LSAMP: variants seen among roughly 807,000 people sequenced by gnomAD.
LSAMP encodes the protein limbic system associated membrane protein.
In LSAMP, 7 loss-of-function variants were observed where a neutral mutation model predicts 38.6. That is an observed-to-expected ratio of 0.18 (90% CI 0.10 to 0.34). The LOEUF is 0.34. LSAMP is among the 10% of genes least tolerant of loss of function. The pLI is 1.00. For missense variants in LSAMP, 313 were observed against 420.0 expected (o/e 0.75, Z 2.23); for synonymous variants, 154 against 166.8 (o/e 0.92, Z 0.59).
chr3:116,209,133 G>A (rs555988323), intron 1 of LSAMP, among the ~76,000 whole-genome samples: 22 of 152,310 alleles, frequency 1.4e-4, no homozygotes, highest in East Asian at 5.8e-4. Context: ...TCCGAAAAGC[G>A]CAGTATTCGG....
chr3:116,049,377 C>G (rs1244593916), intron 2 of LSAMP, among the ~76,000 whole-genome samples: 1 of 152,170 alleles, frequency 6.6e-6, no homozygotes, highest in Non-Finnish European at 1.5e-5. Context: ...CCATTTTTCC[C>G]AGTGACAATT....
At chr3:116,311,247 T>C (rs1230886995) in intron 1 of LSAMP, among the ~76,000 whole-genome samples, 4 of 152,196 alleles carry the variant, frequency 2.6e-5, no homozygotes, top group Admixed American at 2.6e-4. Flanking sequence ...TCTTTTCTTA[T>C]ATTTACTTTC....
chr3:115,992,184 T>A, intron 3 of LSAMP, among the ~76,000 whole-genome samples: 1 of 152,040 alleles, frequency 6.6e-6, no homozygotes, highest in Non-Finnish European at 1.5e-5. Flanking sequence ...AGATGAGATG[T>A]CCCCAGCCCC....
At chr3:116,392,734 C>T (rs1425736329) in intron 1 of LSAMP, among the ~76,000 whole-genome samples, 1 of 152,172 alleles carries the variant, frequency 6.6e-6, no homozygotes, top group East Asian at 1.9e-4. Context: ...CCTGGGCCTG[C>T]CCATGGTCAC....
At chr3:116,285,574 C>G (rs1215319345) in intron 1 of LSAMP, among the ~76,000 whole-genome samples, 7 of 151,910 alleles carry the variant, frequency 4.6e-5, no homozygotes, top group African/African-American at 1.7e-4. Flanking sequence ...TAAAACATCT[C>G]CCATTCCTTG....
chr3:116,120,864 TATC>T (rs1464020654), intron 1 of LSAMP, among the ~76,000 whole-genome samples: 2 of 152,250 alleles, frequency 1.3e-5, no homozygotes, highest in African/African-American at 4.8e-5. Context: ...TGCATCAGGC[TATC>T]ATCATAACTG....
intron 1 of LSAMP, among the ~76,000 whole-genome samples, chr3:116,335,738 A>G (rs893769439): frequency 6.6e-6 from 1 of 152,086 alleles, no homozygotes; most frequent in Non-Finnish European, 1.5e-5. Context: ...GCATGCTCAG[A>G]ACACTTACAT....
intron 3 of LSAMP, among the ~76,000 whole-genome samples, chr3:115,998,477 A>G (rs1245581185): frequency 6.6e-6 from 1 of 152,064 alleles, no homozygotes; most frequent in African/African-American, 2.4e-5. Context: ...GTGTAATGGG[A>G]GAAGCCCTGA....
chr3:116,059,601 C>T (rs1430870932), intron 2 of LSAMP, among the ~76,000 whole-genome samples: 1 of 152,162 alleles, frequency 6.6e-6, no homozygotes, highest in Non-Finnish European at 1.5e-5. Flanking sequence ...GGGGCTGAGT[C>T]TTTTTCAGCA....
chr3:115,960,349 T>C (rs1001947343), intron 3 of LSAMP, among the ~76,000 whole-genome samples: 2 of 152,140 alleles, frequency 1.3e-5, no homozygotes, highest in African/African-American at 2.4e-5. Context: ...AAATACATTG[T>C]TGTTTAAGCC....
At chr3:115,876,549 C>T (rs1222067360) in intron 3 of LSAMP, among the ~76,000 whole-genome samples, 1 of 151,998 alleles carries the variant, frequency 6.6e-6, no homozygotes, top group Admixed American at 6.6e-5. Flanking sequence ...GATTTGATTT[C>T]TATTAAAATT....
intron 3 of LSAMP, among the ~76,000 whole-genome samples, chr3:116,018,209 GA>G (rs1413532511): frequency 6.6e-6 from 1 of 152,042 alleles, no homozygotes; most frequent in Non-Finnish European, 1.5e-5. Flanking sequence ...ACTTTCTCAA[GA>G]AAATAGAGGC....
chr3:115,928,709 G>C (rs896834665), intron 3 of LSAMP, among the ~76,000 whole-genome samples: 2 of 152,140 alleles, frequency 1.3e-5, no homozygotes, highest in African/African-American at 2.4e-5. Flanking sequence ...AAAGGAAAAG[G>C]GTGAGAGAAA....
At chr3:116,054,144 G>A (rs1294565448) in intron 2 of LSAMP, among the ~76,000 whole-genome samples, 1 of 152,076 alleles carries the variant, frequency 6.6e-6, no homozygotes, top group Non-Finnish European at 1.5e-5. Flanking sequence ...CTGCATTCCT[G>A]AGCTCCTGGC....
At chr3:116,386,668 T>C (rs2048630330) in intron 1 of LSAMP, among the ~76,000 whole-genome samples, 1 of 152,146 alleles carries the variant, frequency 6.6e-6, no homozygotes, top group African/African-American at 2.4e-5. Context: ...AGATGGTATC[T>C]TGCTATGCTG....
intron 3 of LSAMP, among the ~76,000 whole-genome samples, chr3:115,884,753 A>G (rs978456526): frequency 5.7e-4 from 87 of 152,212 alleles, no homozygotes; most frequent in African/African-American, 2.1e-3. Context: ...TTAGCAGAGG[A>G]TAAAACAATC....
At chr3:115,926,168 C>T (rs1318403708) in intron 3 of LSAMP, among the ~76,000 whole-genome samples, 2 of 152,180 alleles carry the variant, frequency 1.3e-5, no homozygotes, top group Non-Finnish European at 2.9e-5. Flanking sequence ...AAGGGAACCT[C>T]TGTCTTAATT....
intron 1 of LSAMP, among the ~76,000 whole-genome samples, chr3:116,421,002 AC>A (rs2049115603): frequency 6.6e-6 from 1 of 152,226 alleles, no homozygotes; most frequent in Non-Finnish European, 1.5e-5. Flanking sequence ...TAAATTTAGA[AC>A]CTGCCTCATA....
At chr3:116,300,498 A>G (rs1478742250) in intron 1 of LSAMP, among the ~76,000 whole-genome samples, 1 of 152,208 alleles carries the variant, frequency 6.6e-6, no homozygotes, top group Non-Finnish European at 1.5e-5. Flanking sequence ...GTGCCCTGTT[A>G]GGAACCCAGC....
Sources: allele counts gnomAD v4.1 joint callset (sites outside exome capture counted in the v4.1 genomes callset), GRCh38; gene constraint gnomAD v4.1.1; transcripts MANE v1.5; gene names NCBI Gene and HGNC (gene_info 2026-07-23, HGNC 2026-07-21).